Variants in TPD52L2 observed in about 807,000 individuals in gnomAD.
TPD52L2 encodes tumor protein D54.
A neutral mutation model predicts 24.7 loss-of-function variants in TPD52L2; 19 were observed. That is an observed-to-expected ratio of 0.77 (90% CI 0.54 to 1.13). TPD52L2 has a LOEUF of 1.13. Ranked by LOEUF, TPD52L2 falls within the 50% of genes most tolerant of loss-of-function variation. The pLI, the probability that TPD52L2 is intolerant of heterozygous loss-of-function variation, is 0.00. For synonymous variants in TPD52L2, 104 were observed against 100.2 expected (o/e 1.04, Z -0.23); for missense variants, 236 against 250.4 (o/e 0.94, Z 0.39).
intron 4 of TPD52L2, among the ~76,000 whole-genome samples, chr20:63,879,380 C>T (rs2052810306): frequency 6.6e-6 from 1 of 152,060 alleles, no homozygotes; most frequent in Non-Finnish European, 1.5e-5. Context: ...GGCCAGGAAC[C>T]CTCAGGACCC....
At chr20:63,886,607 C>T (rs1283523693) in intron 5 of TPD52L2, among the ~76,000 whole-genome samples, 2 of 151,878 alleles carry the variant, frequency 1.3e-5, no homozygotes, top group African/African-American at 2.4e-5. Flanking sequence ...CCTCGGCCTC[C>T]CAAAGTGCTG....
At chr20:63,885,463 C>T (rs1044662976) in intron 5 of TPD52L2, among the ~76,000 whole-genome samples, 1 of 152,236 alleles carries the variant, frequency 6.6e-6, no homozygotes, top group Non-Finnish European at 1.5e-5. Context: ...ACACAGGTTT[C>T]CAGGTTGGCG....
At chr20:63,870,520 GT>G (rs959786861) in intron 2 of TPD52L2, among the ~76,000 whole-genome samples, 9,387 of 94,612 alleles carry the variant, frequency 0.099, 103 homozygotes, top group East Asian at 0.23. Flanking sequence ...ATAAGGTGAA[GT>G]TTTTTTTTTT....
In TPD52L2 at chr20:63,869,312, T is replaced by C. The variant is rs773585073; in HGVS notation, c.36T>C (p.Ser12=). 2.5e-6 allele frequency: 4 copies of C among 1,614,138 alleles called. No individual in the cohort carries two copies. The South Asian group carries it at 4.4e-5, about 18-fold the overall frequency. ...CTCTGGCAGATATCAACCTGAATTC[T>C]CCTAACAAAGGTCTGCTGTCTGACT... ...DSAGQDINLN[S]PNKGLLSDSM... The change falls in exon 2 of 7, where the codon TCT becomes TCC. Residue 12 remains serine, a synonymous_variant. Coordinates refer to ENST00000346249, the MANE Select transcript of TPD52L2 (RefSeq NM_003288.4).
At position 63,877,103 on chromosome 20, in the gene TPD52L2, G is replaced by T; in HGVS notation, c.374+1228G>T. 2.5e-6 allele frequency: 1 copy of T among 399,310 alleles called. No homozygotes were observed. Among genetic ancestry groups the T allele is most frequent in the Non-Finnish European group, 5.0e-6 (1 of 201,966 alleles). 24.7% of individuals were successfully genotyped at this position (399,310 alleles called of 1,614,324 possible). A position where few individuals can be genotyped will look rare whatever the true frequency, so the allele number is the denominator to read the frequency against. Reference sequence around the variant, plus strand: ...TGCAGTGGCGCCATCTGGGCTCACTGCAAGCTCCGCCTCCCGGGTTCACAC... The same window carrying T: ...TGCAGTGGCGCCATCTGGGCTCACTTCAAGCTCCGCCTCCCGGGTTCACAC... On this transcript the variant is annotated intron_variant, in intron 4 of 6. Transcript: ENST00000346249. The surrounding 1 kb of genome is among the most constrained non-coding windows in gnomAD (Gnocchi z 4.1).
chr20:63,885,484 C>T (rs1394752700), intron 5 of TPD52L2, among the ~76,000 whole-genome samples: 8 of 152,228 alleles, frequency 5.3e-5, no homozygotes, highest in East Asian at 1.9e-4. Flanking sequence ...TCTGTGGGCA[C>T]GGATGGAGCG....
Position 63,877,056 on chromosome 20 carries a change from C to T in TPD52L2, c.374+1181C>T, listed in dbSNP as rs1376884966. The T allele has an allele frequency of 8.6e-5, 38 of 439,826 alleles. No individual in the cohort carries two copies. Among genetic ancestry groups the T allele is most frequent in the East Asian group, 2.1e-4 (3 of 14,336 alleles). The allele number at this position is 439,826 out of a possible 1,614,324, so 27.2% of individuals were successfully genotyped here. A position where few individuals can be genotyped will look rare whatever the true frequency, so the allele number is the denominator to read the frequency against. The stretch of plus-strand genomic sequence containing the variant: ...TGGTTTTTTTTTTGAGACAACGTCT[C>T]GTTCTGTCTCCCAGGCTGGAGTGCA... On this transcript the variant is annotated intron_variant, in intron 4 of 6. Transcript: ENST00000346249. This position sits in a 1 kb window ranked among gnomAD's most constrained non-coding sequence, Gnocchi z 4.1.
At chr20:63,868,893 A>G (rs2052358590) in intron 1 of TPD52L2, among the ~76,000 whole-genome samples, 1 of 152,174 alleles carries the variant, frequency 6.6e-6, no homozygotes, top group Non-Finnish European at 1.5e-5. Flanking sequence ...GTGAGCTGAG[A>G]TCGCACCATT....
intron 1 of TPD52L2, among the ~76,000 whole-genome samples, chr20:63,867,065 T>G (rs935163916): frequency 6.6e-6 from 1 of 151,884 alleles, no homozygotes; most frequent in African/African-American, 2.4e-5. Context: ...GCGATTCTCC[T>G]GCCTCAGCCT....
chr20:63,883,649 TG>T (rs2052983865), intron 5 of TPD52L2, among the ~76,000 whole-genome samples: 1 of 152,188 alleles, frequency 6.6e-6, no homozygotes, highest in Non-Finnish European at 1.5e-5. Flanking sequence ...TTCTGGCTTT[TG>T]GATCTCAGGG....
At chr20:63,873,899 A>G in intron 3 of TPD52L2, 83 bp downstream of exon 3, 1 of 1,388,368 alleles carries the variant, frequency 7.2e-7, no homozygotes, top group Non-Finnish European at 9.4e-7. Context: ...GGGCGTCGTC[A>G]TGCCCAGGGA....
chr20:63,865,752 C>T (rs2052196525), intron 1 of TPD52L2, among the ~76,000 whole-genome samples: 1 of 140,406 alleles, frequency 7.1e-6, no homozygotes, highest in Admixed American at 8.0e-5. Context: ...ACCCCCCGGT[C>T]CCTGCGCGGG....
At chr20:63,870,526 T>G (rs910621256) in intron 2 of TPD52L2, among the ~76,000 whole-genome samples, 1 of 135,642 alleles carries the variant, frequency 7.4e-6, no homozygotes, top group Admixed American at 7.3e-5. Flanking sequence ...TGAAGTTTTT[T>G]TTTTTTTTTT....
chr20:63,887,416 G>A (rs2053171902), intron 5 of TPD52L2: 6 of 910,644 alleles, frequency 6.6e-6, no homozygotes, highest in Non-Finnish European at 1.1e-5. Context: ...TTTCCTTCGG[G>A]GGCATTGTGT....
At chr20:63,885,928 C>G in intron 5 of TPD52L2, 1 of 1,461,592 alleles carries the variant, frequency 6.8e-7, no homozygotes, top group Non-Finnish European at 9.6e-7. Context: ...GGGGCCTCCC[C>G]TGGGGCTCCC....
At chr20:63,866,761 T>TG (rs1378497207) in intron 1 of TPD52L2, among the ~76,000 whole-genome samples, 2 of 147,252 alleles carry the variant, frequency 1.4e-5, no homozygotes, top group East Asian at 4.4e-4. Flanking sequence ...GCCTGGCCTT[T>TG]TTTTTTTTTT....
chr20:63,887,624 C>G, intron 5 of TPD52L2: 1 of 1,611,974 alleles, frequency 6.2e-7, no homozygotes, highest in Non-Finnish European at 8.5e-7. Context: ...TGCCTGCTCG[C>G]TGCGGCTCCA....
chr20:63,873,619 C>T, intron 2 of TPD52L2, 49 bp from the exon 3 acceptor site: 1 of 1,595,308 alleles, frequency 6.3e-7, no homozygotes, highest in Non-Finnish European at 8.5e-7. Flanking sequence ...GGATGTTAGT[C>T]ACTTCCTGCA....
intron 3 of TPD52L2, among the ~76,000 whole-genome samples, chr20:63,874,105 G>A (rs1028402792): frequency 6.6e-6 from 1 of 152,064 alleles, no homozygotes; most frequent in African/African-American, 2.4e-5. Context: ...AGGCTGGAGT[G>A]TAGTGGCGTG....
Sources: gnomAD v4.1 joint callset for allele counts (sites outside exome capture counted in the v4.1 genomes callset) on GRCh38, gnomAD v4.1.1 for gene constraint, Gnocchi (gnomAD v3.1) non-coding constraint, MANE v1.5 for transcripts, NCBI Gene and HGNC (gene_info 2026-07-23, HGNC 2026-07-21) for gene names.